DGKA: variants seen among roughly 807,000 people sequenced by gnomAD.
DGKA encodes the protein 80 kDa diacylglycerol kinase.
In DGKA, 35 loss-of-function variants were observed where a neutral mutation model predicts 105.0. The observed-to-expected ratio is 0.33, with a 90% CI of 0.25 to 0.44. DGKA has a LOEUF of 0.44. Among genes scored for constraint, DGKA ranks in the 20% least tolerant of loss-of-function variants. The probability of loss-of-function intolerance (pLI) is 1.00; values close to 1 mark genes in which losing one functional copy is unlikely to be tolerated. For missense variants in DGKA, 665 were observed against 915.0 expected (o/e 0.73, Z 3.53); for synonymous variants, 296 against 332.0 (o/e 0.89, Z 1.18).
At position 55,932,703 on chromosome 12, in the gene DGKA, A is replaced by C; in HGVS notation, c.-82+1359A>C. ...GCAATGACACCCTCTACACACACAC[A>C]CACACGCACACACACACACACACAC... On this transcript the variant is annotated intron_variant, in intron 1 of 23. Coordinates refer to ENST00000331886, the MANE Select transcript of DGKA (RefSeq NM_001345.5). The surrounding 1 kb of genome is among the most constrained non-coding windows in gnomAD (Gnocchi z 4.3). 1.7e-6 allele frequency: 1 copy of C among 574,048 alleles called. No homozygotes were observed. The highest frequency in any genetic ancestry group is 2.9e-5 in the East Asian group (1 of 33,918). The allele number at this position is 574,048 out of a possible 1,614,324, so 35.6% of individuals were successfully genotyped here.
At chr12:55,946,770 G>A (rs556515068) in intron 17 of DGKA, among the ~76,000 whole-genome samples, 15 of 152,302 alleles carry the variant, frequency 9.8e-5, no homozygotes, top group Middle Eastern at 3.4e-3. Flanking sequence ...CTCTGTAACC[G>A]AGAGAGTGAT....
At position 55,939,224 on chromosome 12, in the gene DGKA, C is replaced by T. The variant is rs1885391276; in HGVS notation, c.513C>T (p.Gly171=). The change falls in exon 8 of 24, where the codon GGC becomes GGT. Residue 171 remains glycine (G), a synonymous_variant. Transcript: ENST00000331886. ...TGATGAAAGAGATTGACTATGATGG[C>T]AGTGGCTCTGTCTCTCAAGCTGAGT... ...QEMMKEIDYD[G]SGSVSQAEWV... The T allele has an allele frequency of 2.4e-5, 38 of 1,614,190 alleles. No homozygotes were observed. Among genetic ancestry groups the T allele is most frequent in the East Asian group, 4.5e-5 (2 of 44,890 alleles).
At chr12:55,936,664 G>T (rs1331011904) in intron 2 of DGKA, 97 bp downstream of exon 2, 6 of 1,531,284 alleles carry the variant, frequency 3.9e-6, no homozygotes, top group Non-Finnish European at 4.5e-6. Flanking sequence ...TTCCTCAGTG[G>T]CTTTGAGCAG....
chr12:55,939,362 G>GCA lies in DGKA; in HGVS notation c.595-53_595-52insCA, dbSNP rs1379294733. On this transcript the variant is annotated intron_variant, in intron 8 of 23. Transcript: ENST00000331886. ...GACAGCCTTGGGTTATGCTTGCCCG[G>GCA]ATTGGCCCTGTAAGGGCTTTGACAC... is the stretch of plus-strand genomic sequence containing the variant. The GCA allele has an allele frequency of 6.8e-6, 11 of 1,613,562 alleles. No individual in the cohort carries two copies. In the East Asian group the frequency reaches 2.0e-4, roughly 29 times the overall value.
chr12:55,927,515 G>T (rs943809070), upstream of DGKA: 1 of 695,878 alleles, frequency 1.4e-6, no homozygotes, highest in Non-Finnish European at 2.4e-6. Flanking sequence ...CCTGCACCCA[G>T]ATCTCAGAGC....
At position 55,940,192 on chromosome 12, in the gene DGKA, C is replaced by T. The variant is rs1885601934; in HGVS notation, c.798+22C>T. 5 of 1,613,534 alleles carry T rather than the reference C, an allele frequency of 3.1e-6. No individual in the cohort carries two copies. The highest frequency in any genetic ancestry group is 1.1e-5 in the South Asian group (1 of 91,080). The stretch of plus-strand genomic sequence containing the variant: ...TGGTGTGAGTGATCTCATGCCTCCA[C>T]CCCCAACATCACCTACATCCTGGCC... On this transcript the variant is annotated intron_variant, in intron 10 of 23. Transcript: ENST00000331886. The surrounding 1 kb of genome is among the most constrained non-coding windows in gnomAD (Gnocchi z 4.3).
At position 55,937,063 on chromosome 12, in the gene DGKA, C is replaced by T. The variant is rs754367190; in HGVS notation, c.111C>T (p.Gly37=). ...ATGTCCTAAAGCTCTTCGAGGATGGCGAGATGGCTAAATATGTCCAAGGAG... is the reference window on the plus strand; with the variant it reads ...ATGTCCTAAAGCTCTTCGAGGATGGTGAGATGGCTAAATATGTCCAAGGAG... ...VSDVLKLFED[G]EMAKYVQGDA... is the part of the protein sequence containing the mutation. The change falls in exon 3 of 24, where the codon GGC becomes GGT. Residue 37 remains glycine, a synonymous_variant. Coordinates refer to ENST00000331886, the MANE Select transcript of DGKA (RefSeq NM_001345.5). The T allele has an allele frequency of 2.0e-5, 33 of 1,613,950 alleles. No homozygotes were observed. Among genetic ancestry groups the T allele is most frequent in the Non-Finnish European group, 7.6e-6 (9 of 1,180,030 alleles).
intron 17 of DGKA, among the ~76,000 whole-genome samples, chr12:55,944,949 A>G (rs1247495153): frequency 6.6e-6 from 1 of 152,020 alleles, no homozygotes; most frequent in African/African-American, 2.4e-5. Context: ...GCAGGTGTCC[A>G]CCACCACATC....
At chr12:55,950,860 A>G (rs1206351395) in intron 17 of DGKA, among the ~76,000 whole-genome samples, 3 of 152,138 alleles carry the variant, frequency 2.0e-5, no homozygotes, top group African/African-American at 7.2e-5. Context: ...ATGTCCGTCT[A>G]GTTTTAAATT....
rs981601833 is a variant in DGKA at position 55,941,242 on chromosome 12, C to T, written c.1102-10C>T. 1.2e-6 allele frequency: 2 copies of T among 1,608,968 alleles called. No individual in the cohort carries two copies. Among genetic ancestry groups the T allele is most frequent in the African/African-American group, 2.7e-5 (2 of 74,802 alleles). On this transcript the variant is annotated splice_polypyrimidine_tract_variant and intron_variant, in intron 13 of 23. Transcript: ENST00000331886. ...GCTTTCTTTGTCCTTATTTTCTTCC[C>T]CCAATGCAGATTGACCCTGTTCCTA...
intron 17 of DGKA, among the ~76,000 whole-genome samples, chr12:55,946,505 C>T (rs569496609): frequency 1.3e-5 from 2 of 152,122 alleles, no homozygotes; most frequent in African/African-American, 4.8e-5. Context: ...TACAGGCGTG[C>T]GCCATCACAA....
At chr12:55,951,839 G>A in intron 18 of DGKA, 56 bp downstream of exon 18, 2 of 1,593,632 alleles carry the variant, frequency 1.3e-6, no homozygotes, top group Non-Finnish European at 1.7e-6. Context: ...GCAGTCAGAG[G>A]CTGGAGGAGA....
upstream of DGKA, chr12:55,927,586 G>A (rs1321616806): frequency 2.7e-6 from 3 of 1,124,830 alleles, no homozygotes; most frequent in Non-Finnish European, 3.8e-6. Context: ...AGTGTTTCTA[G>A]GGACGGTTGG....
At position 55,942,200 on chromosome 12, in the gene DGKA, C is replaced by T; in HGVS notation, c.1363C>T (p.Pro455Ser). 6.2e-7 allele frequency: 1 copy of T among 1,614,212 alleles called. No individual in the cohort carries two copies. Among genetic ancestry groups the T allele is most frequent in the Non-Finnish European group, 8.5e-7 (1 of 1,180,038 alleles). Residue 455 changes from proline (P) to serine (S), a missense_variant, in exon 17 of 24, where the codon CCT (proline) becomes TCT (serine). Pro to Ser is a moderately conservative substitution (Grantham distance 74). Coordinates refer to ENST00000331886, the MANE Select transcript of DGKA (RefSeq NM_001345.5). Reference sequence around the variant, plus strand: ...CAAAGCTAACTTGCCAGTTTTGCCTCCTGTTGCTGTGTTGCCCCTGGGTAC... The same window carrying T: ...CAAAGCTAACTTGCCAGTTTTGCCTTCTGTTGCTGTGTTGCCCCTGGGTAC... Reference protein sequence around the residue: ...IDKANLPVLPPVAVLPLGTGN... With the variant: ...IDKANLPVLPSVAVLPLGTGN...
intron 17 of DGKA, among the ~76,000 whole-genome samples, chr12:55,946,171 CT>C (rs35710124): frequency 1.1e-4 from 16 of 147,396 alleles, no homozygotes; most frequent in South Asian, 2.1e-4. Flanking sequence ...CTTTCTTCTT[CT>C]TTTTTTTTTG....
intron 13 of DGKA, 36 bp downstream of exon 13, chr12:55,941,016 G>A (rs750806168): frequency 2.5e-6 from 4 of 1,602,588 alleles, no homozygotes; most frequent in Non-Finnish European, 3.4e-6. Flanking sequence ...CATGATGGGG[G>A]CAGGTTTTTC....
In DGKA at chr12:55,937,048, G is replaced by T. The variant is rs201647600; in HGVS notation, c.96G>T (p.Lys32Asn). 1.9e-5 allele frequency: 30 copies of T among 1,614,066 alleles called. No homozygotes were observed. Among genetic ancestry groups the T allele is most frequent in the Admixed American group, 3.3e-5 (2 of 60,012 alleles). ...CCAAAAAGGTCAGTGATGTCCTAAA[G>T]CTCTTCGAGGATGGCGAGATGGCTA... ...YSTKKVSDVLKLFEDGEMAKY... is the reference protein window; with the variant it reads ...YSTKKVSDVLNLFEDGEMAKY... The change falls in exon 3 of 24, where the codon AAG becomes AAT. Residue 32 changes from lysine (K) to asparagine (N), a missense_variant. Transcript: ENST00000331886.
chr12:55,927,464 G>C (rs1228894038), upstream of DGKA: 1 of 692,878 alleles, frequency 1.4e-6, no homozygotes, highest in Non-Finnish European at 2.6e-6. Context: ...CCCAAAAAGG[G>C]GGCCTTATAA....
intron 9 of DGKA, 193 bp from the exon 10 acceptor site, chr12:55,939,889 G>A (rs1674679031): frequency 6.5e-6 from 4 of 613,900 alleles, no homozygotes; most frequent in South Asian, 5.6e-5. Context: ...CAGGCATGCA[G>A]TAGCAGCTGA....
Sources: gnomAD v4.1 joint callset for allele counts (sites outside exome capture counted in the v4.1 genomes callset) on GRCh38, gnomAD v4.1.1 for gene constraint, Gnocchi (gnomAD v3.1) non-coding constraint, MANE v1.5 for transcripts, NCBI Gene and HGNC (gene_info 2026-07-23, HGNC 2026-07-21) for gene names.